The following NACC1 variants were observed in gnomAD, a reference collection of about 807,000 sequenced individuals.
NACC1 encodes the protein nucleus accumbens-associated protein 1.
A neutral mutation model predicts 41.7 loss-of-function variants in NACC1; 6 were observed. The ratio of observed to expected loss-of-function variants is 0.14; its 90% CI spans 0.08 to 0.28. The LOEUF is 0.28. NACC1 is among the 10% of genes least tolerant of loss of function. The probability of loss-of-function intolerance (pLI) is 1.00; values close to 1 mark genes in which losing one functional copy is unlikely to be tolerated. For missense variants in NACC1, 434 were observed against 763.7 expected, an observed-to-expected ratio of 0.57 and a Z score of 5.09; for synonymous variants, 338 against 330.6, an observed-to-expected ratio of 1.02 and a Z score of -0.24.
chr19:13,133,630 T>G (rs1447862883), intron 1 of NACC1, among the ~76,000 whole-genome samples: 1 of 152,190 alleles, frequency 6.6e-6, no homozygotes, highest in East Asian at 1.9e-4. Context: ...CTGAATAATA[T>G]CCCATTGTAT....
intron 1 of NACC1, among the ~76,000 whole-genome samples, chr19:13,126,817 A>AT (rs2019568574): frequency 6.6e-6 from 1 of 151,838 alleles, no homozygotes; most frequent in Non-Finnish European, 1.5e-5. Context: ...TTCTTTGTTC[A>AT]TTTTTTCCAC....
Position 13,137,448 on chromosome 19 carries a change from G to A in NACC1, c.1227-30G>A, listed in dbSNP as rs201169854. 12 of 1,610,176 alleles carry A rather than the reference G, an allele frequency of 7.5e-6. No individual in the cohort carries two copies. Among genetic ancestry groups the A allele is most frequent in the African/African-American group, 4.0e-5 (3 of 74,988 alleles). On this transcript the variant is annotated intron_variant, in intron 4 of 5. Coordinates refer to ENST00000292431, the MANE Select transcript of NACC1 (RefSeq NM_052876.4). The surrounding 1 kb of genome is among the most constrained non-coding windows in gnomAD (Gnocchi z 6.1). ...TGTCCCCCCCACCACCAACTTGAGC[G>A]CTGACTCCCTCCATGTCCCCTGCCC...
chr19:13,127,992 A>T (rs746633300), intron 1 of NACC1, among the ~76,000 whole-genome samples: 1 of 152,220 alleles, frequency 6.6e-6, no homozygotes, highest in Non-Finnish European at 1.5e-5. Flanking sequence ...GGGCCCAGGC[A>T]GTGTCACTTG....
In NACC1 at chr19:13,118,365, G is replaced by A. The variant is rs1455427117; in HGVS notation, c.-98G>A. On this transcript the variant is annotated 5_prime_UTR_variant, in exon 1 of 6. Coordinates refer to ENST00000292431, the MANE Select transcript of NACC1 (RefSeq NM_052876.4). Reference sequence around the variant, plus strand: ...CCGCGGAGGCGGAGGCCGAGGCCCCGGCGCAGCGGGGCGCGCCCCGGGCCC... The same window carrying A: ...CCGCGGAGGCGGAGGCCGAGGCCCCAGCGCAGCGGGGCGCGCCCCGGGCCC... 1 of 146,588 alleles carries A rather than the reference G, an allele frequency of 6.8e-6. No individual in the cohort carries two copies. The highest frequency in any genetic ancestry group is 2.4e-5 in the African/African-American group (1 of 40,898). The allele number at this position is 146,588 out of a possible 1,614,324, so 9.1% of individuals were successfully genotyped here.
chr19:13,133,408 C>G (rs948919838), intron 1 of NACC1, among the ~76,000 whole-genome samples: 4 of 152,090 alleles, frequency 2.6e-5, no homozygotes, highest in African/African-American at 9.7e-5. Context: ...CTTCCCTTTG[C>G]TTTCCCTCAC....
At chr19:13,121,984 T>G (rs1453530223) in intron 1 of NACC1, among the ~76,000 whole-genome samples, 1 of 152,176 alleles carries the variant, frequency 6.6e-6, no homozygotes, top group Non-Finnish European at 1.5e-5. Flanking sequence ...GTTCCTCGTG[T>G]CTGCATTTGC....
Position 13,135,697 on chromosome 19 carries a change from T to G in NACC1, c.490T>G (p.Ser164Ala). 1 of 1,553,406 alleles carries G rather than the reference T, an allele frequency of 6.4e-7. No individual in the cohort carries two copies. The highest frequency in any genetic ancestry group is 8.7e-7 in the Non-Finnish European group (1 of 1,152,200). ...CTGTAGCACCCCGCTGCCCCTCGTG[T>G]CGCGGGTGAAGACGGAGCAGCAGGA... The part of the protein sequence containing the change: ...PACSTPLPLV[S>A]RVKTEQQESD... The change falls in exon 2 of 6, where the codon TCG becomes GCG. Residue 164 changes from serine to alanine, a missense_variant. Transcript: ENST00000292431.
intron 1 of NACC1, among the ~76,000 whole-genome samples, chr19:13,134,826 T>A (rs1431538310): frequency 6.6e-6 from 1 of 152,216 alleles, no homozygotes; most frequent in Non-Finnish European, 1.5e-5. Flanking sequence ...TACCTGGTGC[T>A]TGCAATAGCT....
chr19:13,127,370 A>AATTTTTTTTTTTTT (rs1491187460), intron 1 of NACC1, among the ~76,000 whole-genome samples: 1 of 44,818 alleles, frequency 2.2e-5, no homozygotes. Context: ...ATATACATAT[A>AATTTTTTTTTTTTT]CTTTTTTTTT....
chr19:13,127,872 C>CT, intron 1 of NACC1, among the ~76,000 whole-genome samples: 1 of 152,080 alleles, frequency 6.6e-6, no homozygotes, highest in East Asian at 1.9e-4. Context: ...AGAGAAAGGG[C>CT]TTTATGTGAC....
chr19:13,125,820 A>G (rs985337153), intron 1 of NACC1, among the ~76,000 whole-genome samples: 1 of 151,664 alleles, frequency 6.6e-6, no homozygotes, highest in Non-Finnish European at 1.5e-5. Flanking sequence ...GCTCGCTGCA[A>G]CTTCCACCTC....
In NACC1 at chr19:13,138,629, A is replaced by G. The variant is rs1311999242; in HGVS notation, c.*223A>G. 1.6e-6 allele frequency: 1 copy of G among 623,548 alleles called. No homozygotes were observed. Among genetic ancestry groups the G allele is most frequent in the East Asian group, 2.9e-5 (1 of 35,078 alleles). The allele number at this position is 623,548 out of a possible 1,614,324, so 38.6% of individuals were successfully genotyped here. A position where few individuals can be genotyped will look rare whatever the true frequency, so the allele number is the denominator to read the frequency against. On this transcript the variant is annotated 3_prime_UTR_variant, in exon 6 of 6. Transcript: ENST00000292431. This position sits in a 1 kb window ranked among gnomAD's most constrained non-coding sequence, Gnocchi z 5.7. ...TGAGGTCCGTGTTGCCTTCTTTAAC[A>G]CACACTCGTGCAGTGGGGGAGTTCT...
At chr19:13,131,026 T>C (rs2019628292) in intron 1 of NACC1, among the ~76,000 whole-genome samples, 1 of 152,128 alleles carries the variant, frequency 6.6e-6, no homozygotes, top group African/African-American at 2.4e-5. Flanking sequence ...CCCAGAAGTG[T>C]TATCTCTGTC....
chr19:13,120,849 C>G (rs1033055784), intron 1 of NACC1, among the ~76,000 whole-genome samples: 5 of 152,182 alleles, frequency 3.3e-5, no homozygotes, highest in Non-Finnish European at 7.3e-5. Context: ...GGAGAAGGCA[C>G]CAGTAATAAC....
Position 13,138,164 on chromosome 19 carries a change from G to A in NACC1, c.1342G>A (p.Ala448Thr), listed in dbSNP as rs748446799. 4 of 1,613,776 alleles carry A rather than the reference G, an allele frequency of 2.5e-6. No homozygotes were observed. The highest frequency in any genetic ancestry group is 1.7e-5 in the Admixed American group (1 of 60,014). The change falls in exon 6 of 6, where the codon GCC (alanine) becomes ACC (threonine). Residue 448 changes from alanine (A) to threonine (T), a missense_variant. Coordinates refer to ENST00000292431, the MANE Select transcript of NACC1 (RefSeq NM_052876.4). The surrounding 1 kb of genome is among the most constrained non-coding windows in gnomAD (Gnocchi z 5.7). ...CCCCACAGACTACTGCCAGAACTTC[G>A]CCCCCAACTTCAAGGAGAGCGAGAT... is the stretch of plus-strand genomic sequence containing the variant. ...HAVKYYCQNFAPNFKESEMNA... is the reference protein window; with the variant it reads ...HAVKYYCQNFTPNFKESEMNA...
intron 1 of NACC1, among the ~76,000 whole-genome samples, chr19:13,130,133 G>A (rs954110745): frequency 3.9e-5 from 6 of 152,098 alleles, no homozygotes. Flanking sequence ...CTGAAATATA[G>A]TGGCACAATC....
At position 13,135,184 on chromosome 19, in the gene NACC1, C is replaced by T; in HGVS notation, c.-8-16C>T. ...CTCCGTCTCTGTCTCTCCATTCCTCCCTGCCCCTCGTGCAGCCGCTGCCAT... is the reference window on the plus strand; with the variant it reads ...CTCCGTCTCTGTCTCTCCATTCCTCTCTGCCCCTCGTGCAGCCGCTGCCAT... On this transcript the variant is annotated splice_polypyrimidine_tract_variant and intron_variant, in intron 1 of 5. Transcript: ENST00000292431. 1 of 1,558,766 alleles carries T rather than the reference C, an allele frequency of 6.4e-7. No homozygotes were observed. Among genetic ancestry groups the T allele is most frequent in the Non-Finnish European group, 8.7e-7 (1 of 1,151,208 alleles).
chr19:13,118,495 G>T (rs1329551238), intron 1 of NACC1, 41 bp downstream of exon 1: 1 of 150,974 alleles, frequency 6.6e-6, no homozygotes, highest in East Asian at 1.9e-4. Flanking sequence ...GCCTCCTCCA[G>T]CCGGGGCGGC....
chr19:13,134,855 A>G (rs1330471610), intron 1 of NACC1, among the ~76,000 whole-genome samples: 2 of 152,182 alleles, frequency 1.3e-5, no homozygotes. Flanking sequence ...GAGGTAGCAC[A>G]CTGTGTCCTA....
Sources: allele counts gnomAD v4.1 joint callset (sites outside exome capture counted in the v4.1 genomes callset), GRCh38; gene constraint gnomAD v4.1.1; non-coding constraint Gnocchi (gnomAD v3.1); transcripts MANE v1.5; gene names NCBI Gene and HGNC (gene_info 2026-07-23, HGNC 2026-07-21).